GALK2: variants seen among roughly 807,000 people sequenced by gnomAD.
GALK2 encodes N-acetylgalactosamine kinase.
GALK2 carries 36 observed loss-of-function variants against 52.4 expected under a neutral mutation model. The ratio of observed to expected loss-of-function variants is 0.69; its 90% confidence interval spans 0.53 to 0.91. The LOEUF is 0.91. GALK2 is among the 40% of genes least tolerant of loss of function. The pLI is 0.00. For synonymous variants in GALK2, 176 were observed against 199.1 expected (o/e 0.88, Z 0.98); for missense variants, 579 against 559.1 (o/e 1.04, Z -0.36).
chr15:49,318,893 C>T lies in GALK2; in HGVS notation c.968-711C>T, dbSNP rs1287880976. ...CCTTCTCTTTTCTGTTAACAGGGAT[C>T]ATACTGCACATCCCTCAGTGCTGTG... is the stretch of plus-strand genomic sequence containing the variant. On this transcript the variant is annotated intron_variant, in intron 8 of 9. Transcript: ENST00000560031. The T allele has an allele frequency of 3.1e-5, 14 of 445,898 alleles. No homozygotes were observed. The East Asian group carries it at 9.8e-4, about 31-fold the overall frequency. The allele number at this position is 445,898 out of a possible 1,614,324, so 27.6% of individuals were successfully genotyped here. A position where few individuals can be genotyped will look rare whatever the true frequency, so the allele number is the denominator to read the frequency against.
chr15:49,216,414 T>C (rs2089377011), intron 2 of GALK2, among the ~76,000 whole-genome samples: 1 of 152,230 alleles, frequency 6.6e-6, no homozygotes, highest in South Asian at 2.1e-4. Flanking sequence ...TCTTCTGTAC[T>C]CTTCCCACTT....
At chr15:49,217,056 T>C in intron 2 of GALK2, 134 bp from the exon 3 acceptor site, 1 of 664,846 alleles carries the variant, frequency 1.5e-6, no homozygotes, top group Non-Finnish European at 2.5e-6. Context: ...TTGGCCATCT[T>C]GCTCTGCTTC....
intron 5 of GALK2, among the ~76,000 whole-genome samples, chr15:49,261,947 A>T (rs1390919594): frequency 6.6e-6 from 1 of 152,210 alleles, no homozygotes; most frequent in Admixed American, 6.5e-5. Flanking sequence ...AAGCTTTTTG[A>T]TGTGCTGCTG....
intron 5 of GALK2, among the ~76,000 whole-genome samples, chr15:49,242,965 C>T (rs1566971371): frequency 1.3e-5 from 2 of 152,056 alleles, no homozygotes; most frequent in Non-Finnish European, 2.9e-5. Flanking sequence ...AACCATAAAC[C>T]ACAAAATACA....
At chr15:49,247,428 A>G (rs1239002176) in intron 5 of GALK2, among the ~76,000 whole-genome samples, 2 of 152,186 alleles carry the variant, frequency 1.3e-5, no homozygotes, top group Non-Finnish European at 2.9e-5. Flanking sequence ...GAGAGGAAAC[A>G]ATAAGAAAGA....
At chr15:49,292,032 G>A (rs1051542035) in intron 7 of GALK2, among the ~76,000 whole-genome samples, 6 of 151,970 alleles carry the variant, frequency 3.9e-5, no homozygotes, top group Non-Finnish European at 7.4e-5. Flanking sequence ...AGCCCTGAGG[G>A]AAAGTGGTGA....
intron 8 of GALK2, among the ~76,000 whole-genome samples, chr15:49,299,765 T>TTCTTTCTG (rs2034904153): frequency 6.9e-6 from 1 of 145,142 alleles, no homozygotes; most frequent in Non-Finnish European, 1.5e-5. Flanking sequence ...CTTTCTTTCT[T>TTCTTTCTG]TCTTTCTTTC....
At chr15:49,234,018 T>C (rs2090651101) in intron 3 of GALK2, among the ~76,000 whole-genome samples, 1 of 152,206 alleles carries the variant, frequency 6.6e-6, no homozygotes, top group Admixed American at 6.5e-5. Context: ...AAAGAGATAA[T>C]GTATCCATGT....
chr15:49,295,865 C>G (rs2034430023), intron 8 of GALK2, among the ~76,000 whole-genome samples: 1 of 152,184 alleles, frequency 6.6e-6, no homozygotes, highest in Admixed American at 6.5e-5. Context: ...TTCTCTTGCT[C>G]TGTATCCATC....
Position 49,328,106 on chromosome 15 carries a change from A to AGTTT in GALK2, c.1330_1333dup (p.Ala445ValfsTer14), listed in dbSNP as rs765062312. 2.5e-6 allele frequency: 4 copies of AGTTT among 1,614,082 alleles called. No individual in the cohort carries two copies. The highest frequency in any genetic ancestry group is 2.5e-6 in the Non-Finnish European group (3 of 1,179,996). On this transcript the variant is annotated frameshift_variant, in exon 10 of 10. Transcript: ENST00000560031. LOFTEE classifies it high-confidence loss of function. The stretch of plus-strand genomic sequence containing the variant: ...TGGAAGCTTAGCACCGGAGAAGCAA[A>AGTTT]GTTTGTTTGCTACCAAACCTGGAGG...
At chr15:49,188,943 A>T (rs1365092104) in intron 1 of GALK2, among the ~76,000 whole-genome samples, 1 of 152,224 alleles carries the variant, frequency 6.6e-6, no homozygotes, top group East Asian at 1.9e-4. Flanking sequence ...AAACAGCATA[A>T]TAAAAAGCAG....
intron 3 of GALK2, among the ~76,000 whole-genome samples, chr15:49,359,438 A>T (rs2043786465): frequency 8.3e-6 from 1 of 119,948 alleles, no homozygotes; most frequent in Non-Finnish European, 1.8e-5. Context: ...GGACATGAAC[A>T]GACACTTCTC....
chr15:49,241,539 C>T (rs1028199325), intron 5 of GALK2, among the ~76,000 whole-genome samples: 1 of 152,100 alleles, frequency 6.6e-6, no homozygotes, highest in Non-Finnish European at 1.5e-5. Flanking sequence ...TGAGAAGTAT[C>T]CATTGAATAT....
intron 1 of GALK2, among the ~76,000 whole-genome samples, chr15:49,196,704 T>G (rs188112219): frequency 6.6e-6 from 1 of 152,368 alleles, no homozygotes; most frequent in Admixed American, 6.5e-5. Flanking sequence ...TAATCTCTTA[T>G]TATTAATGTA....
Position 49,330,448 on chromosome 15 carries a change from C to G in GALK2, c.*2289C>G, listed in dbSNP as rs1483449713. 3 of 152,124 alleles carry G rather than the reference C, an allele frequency of 2.0e-5. No homozygotes were observed. Among genetic ancestry groups the G allele is most frequent in the African/African-American group, 7.2e-5 (3 of 41,426 alleles). The allele number at this position is 152,124 out of a possible 1,614,324, so 9.4% of individuals were successfully genotyped here. On this transcript the variant is annotated 3_prime_UTR_variant, in exon 10 of 10. Transcript: ENST00000560031. ...AAGCAGTATCAGATATTCTGGATTACTCAGAATCTGGATTACTGAGTGGTG... is the reference window on the plus strand; with the variant it reads ...AAGCAGTATCAGATATTCTGGATTAGTCAGAATCTGGATTACTGAGTGGTG...
chr15:49,164,521 C>T (rs2084755467), intron 1 of GALK2, among the ~76,000 whole-genome samples: 2 of 151,820 alleles, frequency 1.3e-5, no homozygotes, highest in Non-Finnish European at 2.9e-5. Flanking sequence ...TGGCTCATAC[C>T]TGTAATCGCA....
intron 4 of GALK2, among the ~76,000 whole-genome samples, chr15:49,237,412 T>G (rs909990922): frequency 6.6e-6 from 1 of 152,232 alleles, no homozygotes; most frequent in Non-Finnish European, 1.5e-5. Context: ...ATTTTGAATT[T>G]GTTATACATT....
At chr15:49,367,734 C>A in exon 4 of GALK2, 1 of 895,614 alleles carries the variant, frequency 1.1e-6, no homozygotes, top group Non-Finnish European at 1.6e-6. Flanking sequence ...GGAAATTCTA[C>A]AAAGCATCTT....
intron 2 of GALK2, among the ~76,000 whole-genome samples, chr15:49,216,946 G>A (rs1415995618): frequency 1.3e-5 from 2 of 152,104 alleles, no homozygotes; most frequent in African/African-American, 2.4e-5. Context: ...ACCAGGTACT[G>A]TGATTTTCAG....
Sources: gnomAD v4.1 joint callset for allele counts (sites outside exome capture counted in the v4.1 genomes callset) on GRCh38, gnomAD v4.1.1 for gene constraint, MANE v1.5 for transcripts, NCBI Gene and HGNC (gene_info 2026-07-23, HGNC 2026-07-21) for gene names.